RPS6KC1: variants seen among roughly 807,000 people sequenced by gnomAD.
RPS6KC1 encodes the protein ribosomal protein S6 kinase C1.
A neutral mutation model predicts 103.8 loss-of-function variants in RPS6KC1; 54 were observed. The ratio of observed to expected loss-of-function variants is 0.52; its 90% CI spans 0.42 to 0.65. The LOEUF is 0.65. Ranked by LOEUF, RPS6KC1 falls within the 30% of genes least tolerant of loss-of-function variation. The probability of loss-of-function intolerance (pLI) is 0.00; values close to 1 mark genes in which losing one functional copy is unlikely to be tolerated. For synonymous variants in RPS6KC1, 439 were observed against 438.7 expected (o/e 1.00, Z -0.01); for missense variants, 1,151 against 1,253.8 (o/e 0.92, Z 1.24).
chr1:213,280,755 A>G, the RPS6KC1 span, among the ~76,000 whole-genome samples: 7 of 152,190 alleles, frequency 4.6e-5, no homozygotes, highest in Non-Finnish European at 8.8e-5. Context: ...GGCCAAGATT[A>G]TTAGATGAGA....
chr1:213,847,536 C>T, the RPS6KC1 span, among the ~76,000 whole-genome samples: 1 of 152,174 alleles, frequency 6.6e-6, no homozygotes, highest in Non-Finnish European at 1.5e-5. Flanking sequence ...GGATGAGAAA[C>T]TGAAATGGAG....
At chr1:213,739,193 T>A in the RPS6KC1 span, among the ~76,000 whole-genome samples, 1 of 152,218 alleles carries the variant, frequency 6.6e-6, no homozygotes, top group African/African-American at 2.4e-5. Context: ...ACCTCTATGA[T>A]GATCCATTTT....
At chr1:213,102,740 C>T (rs1427535461) in intron 3 of RPS6KC1, among the ~76,000 whole-genome samples, 1 of 152,108 alleles carries the variant, frequency 6.6e-6, no homozygotes, top group Non-Finnish European at 1.5e-5. Context: ...TGCCTGCTGA[C>T]CTTTATTTGG....
chr1:213,254,719 C>T (rs1446216983), intron 12 of RPS6KC1, among the ~76,000 whole-genome samples: 1 of 152,174 alleles, frequency 6.6e-6, no homozygotes, highest in African/African-American at 2.4e-5. Context: ...GGACAAAAAT[C>T]CAGGATTCTT....
chr1:213,626,534 T>C, the RPS6KC1 span, among the ~76,000 whole-genome samples: 6 of 152,198 alleles, frequency 3.9e-5, no homozygotes, highest in Admixed American at 3.9e-4. Context: ...TGCCTAGGTT[T>C]TCTTCTAGGG....
chr1:213,785,288 C>T, the RPS6KC1 span, among the ~76,000 whole-genome samples: 2 of 152,022 alleles, frequency 1.3e-5, no homozygotes, highest in South Asian at 2.1e-4. Flanking sequence ...TTAGGGTGCT[C>T]GTTCCTGGAC....
At chr1:213,137,394 C>A (rs924277143) in intron 6 of RPS6KC1, among the ~76,000 whole-genome samples, 3 of 151,760 alleles carry the variant, frequency 2.0e-5, no homozygotes, top group Non-Finnish European at 4.4e-5. Flanking sequence ...AGTGCAATGG[C>A]GCAATCTCGG....
intron 12 of RPS6KC1, among the ~76,000 whole-genome samples, chr1:213,246,828 A>G (rs1056119369): frequency 6.6e-6 from 1 of 152,064 alleles, no homozygotes; most frequent in Admixed American, 6.6e-5. Context: ...GCAGTGTGCT[A>G]TGATCATGCC....
At chr1:213,523,127 A>G in the RPS6KC1 span, among the ~76,000 whole-genome samples, 1 of 152,176 alleles carries the variant, frequency 6.6e-6, no homozygotes, top group Non-Finnish European at 1.5e-5. Context: ...GCCTAATTTC[A>G]ATATTGTTGT....
At chr1:213,313,959 GA>G in the RPS6KC1 span, among the ~76,000 whole-genome samples, 29 of 151,866 alleles carry the variant, frequency 1.9e-4, no homozygotes, top group South Asian at 2.9e-3. Context: ...TTTAAAAAAA[GA>G]AAAAAAAGAA....
chr1:213,622,669 CT>C, the RPS6KC1 span, among the ~76,000 whole-genome samples: 2 of 152,140 alleles, frequency 1.3e-5, no homozygotes, highest in Non-Finnish European at 2.9e-5. Flanking sequence ...TTCCCTCCCC[CT>C]GACCCCCATA....
chr1:213,367,690 C>T, the RPS6KC1 span, among the ~76,000 whole-genome samples: 21 of 152,176 alleles, frequency 1.4e-4, no homozygotes, highest in Non-Finnish European at 1.2e-4. Context: ...CATGGTGCTT[C>T]GTGACATAGC....
At chr1:213,177,567 T>G (rs1469140250) in intron 8 of RPS6KC1, among the ~76,000 whole-genome samples, 1 of 152,208 alleles carries the variant, frequency 6.6e-6, no homozygotes. Flanking sequence ...CAAGGATCAT[T>G]TTTCTCAAAT....
the RPS6KC1 span, among the ~76,000 whole-genome samples, chr1:213,464,205 C>A: frequency 0.012 from 1,767 of 152,274 alleles, 22 homozygotes; most frequent in African/African-American, 0.036. Flanking sequence ...ATGCTAGCTT[C>A]ATAAAATCAG....
chr1:213,716,333 T>G, the RPS6KC1 span, among the ~76,000 whole-genome samples: 1 of 152,108 alleles, frequency 6.6e-6, no homozygotes, highest in Non-Finnish European at 1.5e-5. Context: ...CCTGCCTAAT[T>G]CTGAGAGAAG....
intron 12 of RPS6KC1, among the ~76,000 whole-genome samples, chr1:213,253,273 G>T (rs565240065): frequency 6.6e-6 from 1 of 152,264 alleles, no homozygotes; most frequent in South Asian, 2.1e-4. Flanking sequence ...AGAATGAGAT[G>T]ATCTATGTGG....
At chr1:213,651,233 C>T in the RPS6KC1 span, among the ~76,000 whole-genome samples, 1 of 152,142 alleles carries the variant, frequency 6.6e-6, no homozygotes, top group South Asian at 2.1e-4. Context: ...GCTACATCTC[C>T]CCAATAAAAA....
intron 8 of RPS6KC1, among the ~76,000 whole-genome samples, chr1:213,193,813 A>G (rs2092840747): frequency 6.6e-6 from 1 of 151,696 alleles, no homozygotes. Flanking sequence ...TTTTTTGTAG[A>G]TATGGGGTTT....
chr1:213,144,186 A>G (rs1266074471), intron 6 of RPS6KC1, among the ~76,000 whole-genome samples: 1 of 152,138 alleles, frequency 6.6e-6, no homozygotes, highest in Non-Finnish European at 1.5e-5. Context: ...GAGTCCCATC[A>G]TTATTCTGCC....
Sources: allele counts gnomAD v4.1 joint callset (sites outside exome capture counted in the v4.1 genomes callset), GRCh38; gene constraint gnomAD v4.1.1; transcripts MANE v1.5; gene names NCBI Gene and HGNC (gene_info 2026-07-23, HGNC 2026-07-21).